The following PCDHGA5 variants were observed in gnomAD, a reference collection of about 807,000 sequenced individuals.
PCDHGA5 encodes the protein protocadherin gamma subfamily A, 5, also known as protocadherin gamma-A5.
PCDHGA5 carries 36 observed loss-of-function variants against 56.7 expected under a neutral mutation model. The observed-to-expected ratio is 0.64, with a 90% CI of 0.49 to 0.84. The LOEUF (loss-of-function observed/expected upper bound fraction) is 0.84, where lower values mean the gene tolerates loss of function less well. Among genes scored for constraint, PCDHGA5 ranks in the 40% least tolerant of loss-of-function variants. The pLI is 0.00. For synonymous variants in PCDHGA5, 563 were observed against 520.2 expected (o/e 1.08, Z -1.12); for missense variants, 1,305 against 1,201.5 (o/e 1.09, Z -1.27).
chr5:141,393,927 C>T, intron 1 of PCDHGA5: 2 of 1,613,970 alleles, frequency 1.2e-6, no homozygotes, highest in South Asian at 1.1e-5. Context: ...CTTGAGTGTG[C>T]ATGACCAAGA....
intron 1 of PCDHGA5, chr5:141,405,001 C>A: frequency 1.9e-6 from 3 of 1,614,008 alleles, no homozygotes; most frequent in Non-Finnish European, 2.5e-6. Flanking sequence ...TCCCTGCAGA[C>A]CTGGAGGCCT....
intron 1 of PCDHGA5, chr5:141,410,134 C>T: frequency 6.2e-7 from 1 of 1,612,766 alleles, no homozygotes; most frequent in East Asian, 2.2e-5. Flanking sequence ...GCCTGCTGGT[C>T]GCTGTGCGTG....
chr5:141,435,718 G>T (rs2097776232), intron 1 of PCDHGA5, among the ~76,000 whole-genome samples: 1 of 152,150 alleles, frequency 6.6e-6, no homozygotes, highest in African/African-American at 2.4e-5. Context: ...GACACTGAAT[G>T]CTAAAGTGTA....
At chr5:141,488,239 G>A (rs576918071) in intron 1 of PCDHGA5, among the ~76,000 whole-genome samples, 3 of 152,222 alleles carry the variant, frequency 2.0e-5, no homozygotes, top group South Asian at 4.1e-4. Context: ...AACTAGATGC[G>A]GTAAATTGGA....
chr5:141,415,533 G>C lies in PCDHGA5; in HGVS notation c.2421+48782G>C, dbSNP rs749139053. On this transcript the variant is annotated intron_variant, in intron 1 of 3. Coordinates refer to ENST00000518069, the MANE Select transcript of PCDHGA5 (RefSeq NM_018918.3). ...ATTATGCGGACACGCTCATCAGCCA[G>C]GAGAGCTGTGAGAAAAACGATCCTT... is the stretch of plus-strand genomic sequence containing the variant. 1.4e-5 allele frequency: 22 copies of C among 1,614,080 alleles called. No individual in the cohort carries two copies. Among genetic ancestry groups the C allele is most frequent in the Non-Finnish European group, 1.9e-5 (22 of 1,180,042 alleles).
chr5:141,419,524 T>C (rs1400473876), intron 1 of PCDHGA5: 4 of 1,612,164 alleles, frequency 2.5e-6, no homozygotes, highest in Non-Finnish European at 3.4e-6. Flanking sequence ...TGGGCGACCG[T>C]AACGACAACG....
At chr5:141,399,080 G>A (rs1385144710) in intron 1 of PCDHGA5, 2 of 1,613,696 alleles carry the variant, frequency 1.2e-6, no homozygotes, top group Non-Finnish European at 1.7e-6. Flanking sequence ...GTAGAAGGGA[G>A]GGATGGTGGT....
intron 2 of PCDHGA5, among the ~76,000 whole-genome samples, chr5:141,504,741 T>C (rs968590796): frequency 2.6e-5 from 4 of 151,826 alleles, no homozygotes; most frequent in South Asian, 2.1e-4. Context: ...TAGGAAGCCA[T>C]TGAATTTTAG....
In PCDHGA5 at chr5:141,366,007, G is replaced by A. The variant is rs764457320; in HGVS notation, c.1677G>A (p.Thr559=). 6.2e-6 allele frequency: 10 copies of A among 1,614,058 alleles called. No homozygotes were observed. In the Admixed American group the frequency reaches 6.7e-5, roughly 11 times the overall value. ...SLFVLDQNDN[T]PEILYPALPT... The stretch of plus-strand genomic sequence containing the variant: ...TTGTGCTGGACCAGAACGACAATAC[G>A]CCTGAGATCCTGTACCCCGCCCTCC... Residue 559 remains threonine (T), a synonymous_variant, in exon 1 of 4, where the codon ACG becomes ACA. Transcript: ENST00000518069.
At chr5:141,458,438 CCCA>C (rs1221646653) in intron 1 of PCDHGA5, among the ~76,000 whole-genome samples, 3 of 152,024 alleles carry the variant, frequency 2.0e-5, no homozygotes, top group African/African-American at 7.2e-5. Context: ...GAGGAGGTCC[CCCA>C]CATTAACAAT....
chr5:141,461,258 A>G lies in PCDHGA5; in HGVS notation c.2422-33549A>G, dbSNP rs2099011921. Among the ~76,000 whole-genome samples, 4 of 152,104 alleles carry G rather than the reference A, an allele frequency of 2.6e-5. No individual in the cohort carries two copies. In the South Asian group the frequency reaches 8.3e-4, roughly 31 times the overall value. The stretch of plus-strand genomic sequence containing the variant: ...GTACTAATTTATATTCCCAGCAGCA[A>G]TGTGTAAGTGTTCTCTTTTCCCCAC... On this transcript the variant is annotated intron_variant, in intron 1 of 3. Transcript: ENST00000518069.
At chr5:141,455,607 G>A (rs2098827849) in intron 1 of PCDHGA5, among the ~76,000 whole-genome samples, 1 of 152,248 alleles carries the variant, frequency 6.6e-6, no homozygotes, top group East Asian at 1.9e-4. Context: ...GGGCGCCATG[G>A]ATGTTCTAAA....
chr5:141,421,160 A>T, intron 1 of PCDHGA5: 1 of 1,250,104 alleles, frequency 8.0e-7, no homozygotes, highest in Non-Finnish European at 1.1e-6. Flanking sequence ...CTAGGACTTC[A>T]TAGATACATA....
At chr5:141,455,860 A>ATTATTTAT (rs145569377) in intron 1 of PCDHGA5, among the ~76,000 whole-genome samples, 155 of 139,844 alleles carry the variant, frequency 1.1e-3, no homozygotes, top group Non-Finnish European at 1.5e-3. Flanking sequence ...AATTTCTTTT[A>ATTATTTAT]TTATTTATTT....
rs768994533 is a variant in PCDHGA5 at position 141,486,589 on chromosome 5, C to G, written c.2422-8218C>G. On this transcript the variant is annotated intron_variant, in intron 1 of 3. Transcript: ENST00000518069. This position sits in a 1 kb window ranked among gnomAD's most constrained non-coding sequence, Gnocchi z 5.0. Reference sequence around the variant, plus strand: ...TTCCTGAGAACAATCGCCCAGGGGACCTGCTTTGCTCCCTTGCAGCCTCTG... The same window carrying G: ...TTCCTGAGAACAATCGCCCAGGGGAGCTGCTTTGCTCCCTTGCAGCCTCTG... 1 of 1,613,676 alleles carries G rather than the reference C, an allele frequency of 6.2e-7. No individual in the cohort carries two copies. Among genetic ancestry groups the G allele is most frequent in the Non-Finnish European group, 8.5e-7 (1 of 1,179,996 alleles).
At chr5:141,492,216 C>T (rs1163022229) in intron 1 of PCDHGA5, among the ~76,000 whole-genome samples, 1 of 152,140 alleles carries the variant, frequency 6.6e-6, no homozygotes, top group Non-Finnish European at 1.5e-5. Context: ...GCGCGGGGCT[C>T]ATGCGTGTCC....
At chr5:141,442,089 C>A in intron 1 of PCDHGA5, 1 of 170,684 alleles carries the variant, frequency 5.9e-6, no homozygotes, top group South Asian at 1.1e-4. Context: ...CTCGCTACCG[C>A]CACGTCACCA....
At chr5:141,451,018 C>T (rs1307161489) in intron 1 of PCDHGA5, among the ~76,000 whole-genome samples, 7 of 151,264 alleles carry the variant, frequency 4.6e-5, no homozygotes, top group African/African-American at 1.5e-4. Flanking sequence ...TTAGTAGAGA[C>T]GAGGTTTCAC....
intron 1 of PCDHGA5, among the ~76,000 whole-genome samples, chr5:141,469,864 C>T (rs963843852): frequency 6.6e-6 from 1 of 152,218 alleles, no homozygotes; most frequent in African/African-American, 2.4e-5. Flanking sequence ...GGTGCAATGG[C>T]TCACGCCTGT....
Sources: allele counts gnomAD v4.1 joint callset (sites outside exome capture counted in the v4.1 genomes callset), GRCh38; gene constraint gnomAD v4.1.1; non-coding constraint Gnocchi (gnomAD v3.1); transcripts MANE v1.5; gene names NCBI Gene and HGNC (gene_info 2026-07-23, HGNC 2026-07-21).